SORCS2: variants seen among roughly 807,000 people sequenced by gnomAD.
The protein encoded by SORCS2 is VPS10 domain-containing receptor SorCS2.
A neutral mutation model predicts 141.6 loss-of-function variants in SORCS2; 100 were observed. The observed-to-expected ratio is 0.71, with a 90% CI of 0.60 to 0.83. The LOEUF (loss-of-function observed/expected upper bound fraction) is 0.83. Among genes scored for constraint, SORCS2 ranks in the 40% least tolerant of loss-of-function variants. The pLI is 0.00. For synonymous variants in SORCS2, 789 were observed against 676.9 expected (o/e 1.17, Z -2.57); for missense variants, 1,646 against 1,560.2 (o/e 1.05, Z -0.93).
At chr4:7,264,271 C>A (rs942782790) in intron 1 of SORCS2, among the ~76,000 whole-genome samples, 16 of 152,346 alleles carry the variant, frequency 1.1e-4, no homozygotes, top group African/African-American at 3.6e-4. Context: ...ACAGACCTGG[C>A]TCTGTGCAGC....
chr4:7,274,817 G>A (rs370845638), intron 1 of SORCS2, among the ~76,000 whole-genome samples: 25 of 152,320 alleles, frequency 1.6e-4, no homozygotes, highest in African/African-American at 5.8e-4. Flanking sequence ...TGTCTTCTGG[G>A]GGAGGGGTGT....
At chr4:7,238,701 T>C (rs56012792) in intron 1 of SORCS2, among the ~76,000 whole-genome samples, 44,416 of 152,118 alleles carry the variant, frequency 0.29, 6,859 homozygotes, top group East Asian at 0.48. Flanking sequence ...CTGCCCTGCG[T>C]GTGTCTGGGT....
chr4:7,665,230 T>A (rs924257688), intron 7 of SORCS2, among the ~76,000 whole-genome samples: 2 of 152,176 alleles, frequency 1.3e-5, no homozygotes, highest in Admixed American at 6.5e-5. Flanking sequence ...TCAGCCACAC[T>A]TGGTCACCCC....
In SORCS2 at chr4:7,376,696, C is replaced by T. The variant is rs1047136440; in HGVS notation, c.481-19592C>T. Among the ~76,000 whole-genome samples the T allele has an allele frequency of 5.3e-5, 8 of 152,216 alleles. No individual in the cohort carries two copies. In the South Asian group the frequency reaches 8.3e-4, roughly 16 times the overall value. On this transcript the variant is annotated intron_variant, in intron 1 of 26. Transcript: ENST00000507866. ...GCATGTCTATGTGTCCATACATATG[C>T]ATGTCTTTGTGGGTTTATACATAGG... is the stretch of plus-strand genomic sequence containing the variant.
chr4:7,213,715 TGGGAACAGCAGAGCTGGGTCTAGAGCCA>T (rs1327230435), intron 1 of SORCS2, among the ~76,000 whole-genome samples: 2 of 150,648 alleles, frequency 1.3e-5, no homozygotes, highest in African/African-American at 5.0e-5. Context: ...GTTCTCCCCC[TGGGAACAGCAGAGCTGGGTCTAGAGCCA>T]GGTCTCAGTA....
chr4:7,492,417 C>T (rs186531094), intron 2 of SORCS2, among the ~76,000 whole-genome samples: 61 of 152,352 alleles, frequency 4.0e-4, no homozygotes, highest in Admixed American at 4.6e-4. Context: ...GTCCCTTCTT[C>T]GTAAAGGCTG....
At chr4:7,700,065 C>T (rs1724963810) in intron 12 of SORCS2, among the ~76,000 whole-genome samples, 1 of 152,186 alleles carries the variant, frequency 6.6e-6, no homozygotes, top group Non-Finnish European at 1.5e-5. Context: ...GCTCCCGCCC[C>T]AGCCACGTGC....
intron 2 of SORCS2, among the ~76,000 whole-genome samples, chr4:7,526,249 G>T (rs988567597): frequency 2.0e-5 from 3 of 152,280 alleles, no homozygotes; most frequent in Non-Finnish European, 4.4e-5. Flanking sequence ...GACGCCCATC[G>T]CCTTGGCACG....
chr4:7,700,983 G>A (rs1226711931), intron 12 of SORCS2, among the ~76,000 whole-genome samples: 1 of 152,222 alleles, frequency 6.6e-6, no homozygotes, highest in Non-Finnish European at 1.5e-5. Flanking sequence ...AATAACCTGT[G>A]AGCCTGGCTG....
At chr4:7,628,682 C>T (rs550603827) in intron 3 of SORCS2, among the ~76,000 whole-genome samples, 2 of 151,800 alleles carry the variant, frequency 1.3e-5, no homozygotes, top group African/African-American at 4.8e-5. Flanking sequence ...CGTGCGGGAT[C>T]GGCCAGGAAG....
At chr4:7,720,457 G>A (rs1726512898) in intron 18 of SORCS2, among the ~76,000 whole-genome samples, 1 of 152,172 alleles carries the variant, frequency 6.6e-6, no homozygotes, top group South Asian at 2.1e-4. Context: ...TAGGAGAGGA[G>A]TCCTCAGACT....
In SORCS2 at chr4:7,663,074, A is replaced by ATGAG. The variant is rs35369780; in HGVS notation, c.953-1263_953-1260dup. 3.3e-5 allele frequency among the ~76,000 whole-genome samples: 5 copies of ATGAG among 151,378 alleles called. No homozygotes were observed. Among genetic ancestry groups the ATGAG allele is most frequent in the East Asian group, 2.0e-4 (1 of 5,094 alleles). ...AATGATTGAGTGAAAGAGTGGGTGA[A>ATGAG]TGAGTGAGTGAGTGAGTGAATGAGT... On this transcript the variant is annotated intron_variant, in intron 6 of 26. Coordinates refer to ENST00000507866, the MANE Select transcript of SORCS2 (RefSeq NM_020777.3). This position sits in a 1 kb window ranked among gnomAD's most constrained non-coding sequence, Gnocchi z 4.8.
chr4:7,437,008 G>C (rs1329469576), intron 2 of SORCS2, among the ~76,000 whole-genome samples: 2 of 152,174 alleles, frequency 1.3e-5, no homozygotes, highest in Admixed American at 6.5e-5. Flanking sequence ...TGTCTGTTTT[G>C]TTTCGGGGAC....
intron 3 of SORCS2, among the ~76,000 whole-genome samples, chr4:7,587,256 G>A (rs775540116): frequency 9.9e-5 from 15 of 151,278 alleles, no homozygotes; most frequent in Non-Finnish European, 2.1e-4. Flanking sequence ...GTAATATTTG[G>A]CCACTCAGAT....
rs34265329 is a variant in SORCS2, at chr4:7,285,036, ATT to A, written c.480+91922_480+91923del. Among the ~76,000 whole-genome samples, 883 of 140,116 alleles carry A rather than the reference ATT, an allele frequency of 6.3e-3. 6 individuals are homozygous for A. Among genetic ancestry groups the A allele is most frequent in the African/African-American group, 0.02 (773 of 38,290 alleles). 91.9% of individuals were successfully genotyped at this position (140,116 alleles called of 152,430 possible). A position where few individuals can be genotyped will look rare whatever the true frequency, so the allele number is the denominator to read the frequency against. On this transcript the variant is annotated intron_variant, in intron 1 of 26. Coordinates refer to ENST00000507866, the MANE Select transcript of SORCS2 (RefSeq NM_020777.3). Reference sequence around the variant, plus strand: ...GGGACCATCCCATATATATATATATATTTTTTTTTTTTTGAGATGGAGTTTCA... The same window carrying A: ...GGGACCATCCCATATATATATATATATTTTTTTTTTTGAGATGGAGTTTCA...
intron 18 of SORCS2, among the ~76,000 whole-genome samples, chr4:7,720,492 A>C (rs1726515098): frequency 6.6e-6 from 1 of 152,206 alleles, no homozygotes; most frequent in South Asian, 2.1e-4. Flanking sequence ...AGTCAAAAGG[A>C]AAGTTGATAA....
rs559925824 is a variant in SORCS2, at chr4:7,405,191, C to G, written c.548+8836C>G. Among the ~76,000 whole-genome samples, 16 of 152,176 alleles carry G rather than the reference C, an allele frequency of 1.1e-4. No homozygotes were observed. In the South Asian group the frequency reaches 3.3e-3, roughly 32 times the overall value. ...ATACGTGGCTTTATTTCTGGGTTCT[C>G]CATTCTGTTCCATTGGTTTATGTGT... On this transcript the variant is annotated intron_variant, in intron 2 of 26. Transcript: ENST00000507866.
chr4:7,682,206 A>T (rs1723564244), intron 9 of SORCS2, among the ~76,000 whole-genome samples: 1 of 152,172 alleles, frequency 6.6e-6, no homozygotes, highest in South Asian at 2.1e-4. Context: ...AGGCAAGTGG[A>T]GCCCTGTCCC....
At chr4:7,737,347 G>C (rs2148904558) in intron 26 of SORCS2, 175 bp downstream of exon 26, 2 of 815,712 alleles carry the variant, frequency 2.5e-6, no homozygotes, top group African/African-American at 1.7e-5. Context: ...CATCTGATGA[G>C]GGGATGACGG....
Sources: gnomAD v4.1 joint callset for allele counts (sites outside exome capture counted in the v4.1 genomes callset) on GRCh38, gnomAD v4.1.1 for gene constraint, Gnocchi (gnomAD v3.1) non-coding constraint, MANE v1.5 for transcripts, NCBI Gene and HGNC (gene_info 2026-07-23, HGNC 2026-07-21) for gene names.